The following CTNNA3 variants were observed in gnomAD, a reference collection of about 807,000 sequenced individuals.
CTNNA3 encodes the protein catenin alpha 3, also known as catenin alpha-3.
CTNNA3 carries 76 observed loss-of-function variants against 95.7 expected under a neutral mutation model. The observed-to-expected ratio is 0.79, with a 90% confidence interval of 0.66 to 0.96. CTNNA3 has a LOEUF of 0.96. Ranked by LOEUF, CTNNA3 falls within the 40% of genes least tolerant of loss-of-function variation. The pLI, the probability that CTNNA3 is intolerant of heterozygous loss-of-function variation, is 0.00. For missense variants in CTNNA3, 1,191 were observed against 1,089.8 expected, an observed-to-expected ratio of 1.09 and a Z score of -1.31; for synonymous variants, 431 against 374.4, an observed-to-expected ratio of 1.15 and a Z score of -1.74.
intron 8 of CTNNA3, 120 bp from the exon 9 acceptor site, chr10:66,766,536 C>A: frequency 1.2e-6 from 1 of 824,610 alleles, no homozygotes; most frequent in South Asian, 2.3e-5. Context: ...TTCCTAAAAT[C>A]ACAATACTTA....
At chr10:66,470,233 T>C (rs1176643997) in intron 11 of CTNNA3, among the ~76,000 whole-genome samples, 2 of 151,812 alleles carry the variant, frequency 1.3e-5, no homozygotes, top group African/African-American at 2.4e-5. Context: ...TTTGCTGTTG[T>C]TTTTAATCTG....
At chr10:67,092,853 T>C (rs1256751863) in intron 7 of CTNNA3, among the ~76,000 whole-genome samples, 1 of 152,038 alleles carries the variant, frequency 6.6e-6, no homozygotes, top group East Asian at 1.9e-4. Flanking sequence ...AAGACACTAC[T>C]AGTGTAGCAG....
chr10:67,065,672 C>T (rs952006250), intron 7 of CTNNA3, among the ~76,000 whole-genome samples: 1 of 151,962 alleles, frequency 6.6e-6, no homozygotes, highest in Non-Finnish European at 1.5e-5. Flanking sequence ...TGCCCTTTCC[C>T]CAAGCATGAG....
At chr10:67,040,044 CA>C (rs1250886450) in intron 7 of CTNNA3, among the ~76,000 whole-genome samples, 1 of 152,122 alleles carries the variant, frequency 6.6e-6, no homozygotes, top group Non-Finnish European at 1.5e-5. Flanking sequence ...TGACACTCCA[CA>C]CCCATTCATC....
chr10:66,825,358 C>A (rs1261919093), intron 7 of CTNNA3, among the ~76,000 whole-genome samples: 1 of 151,070 alleles, frequency 6.6e-6, no homozygotes, highest in Non-Finnish European at 1.5e-5. Context: ...TCACTGCAAC[C>A]TCCTCCTTCC....
At chr10:67,379,057 A>C (rs1247193665) in intron 5 of CTNNA3, among the ~76,000 whole-genome samples, 1 of 152,352 alleles carries the variant, frequency 6.6e-6, no homozygotes, top group Admixed American at 6.5e-5. Flanking sequence ...TTTAAAAGGT[A>C]TCTAAAAATC....
intron 16 of CTNNA3, 36 bp downstream of exon 16, chr10:65,988,656 A>G (rs1174646912): frequency 1.3e-6 from 2 of 1,527,350 alleles, no homozygotes; most frequent in Non-Finnish European, 1.8e-6. Context: ...AGCAATTAGC[A>G]TGAACTTTTA....
intron 10 of CTNNA3, among the ~76,000 whole-genome samples, chr10:66,583,821 A>G (rs1911310): frequency 0.75 from 113,281 of 151,598 alleles, 43,398 homozygotes; most frequent in Non-Finnish European, 0.85. Context: ...ATTTTGCACT[A>G]TAAACTTTCC....
At chr10:66,101,216 T>C (rs1003827017) in intron 14 of CTNNA3, among the ~76,000 whole-genome samples, 2 of 152,126 alleles carry the variant, frequency 1.3e-5, no homozygotes, top group African/African-American at 4.8e-5. Context: ...GGAAACTAAA[T>C]CCAGATGCTG....
At chr10:67,041,612 T>C (rs953615184) in intron 7 of CTNNA3, among the ~76,000 whole-genome samples, 17 of 152,136 alleles carry the variant, frequency 1.1e-4, no homozygotes, top group African/African-American at 4.1e-4. Flanking sequence ...TGTATTGTCA[T>C]TTTCAAACTC....
chr10:66,596,801 A>C (rs370455040), intron 10 of CTNNA3, among the ~76,000 whole-genome samples: 3 of 152,138 alleles, frequency 2.0e-5, no homozygotes, highest in Admixed American at 6.5e-5. Context: ...ACACCACCAA[A>C]GGAACAAAAT....
intron 5 of CTNNA3, among the ~76,000 whole-genome samples, chr10:67,460,438 G>T (rs1847332512): frequency 6.6e-6 from 1 of 152,084 alleles, no homozygotes. Flanking sequence ...AAATAAATTT[G>T]CCCAAGTGAT....
chr10:67,457,576 T>G (rs577171113), intron 5 of CTNNA3, among the ~76,000 whole-genome samples: 1 of 152,302 alleles, frequency 6.6e-6, no homozygotes, highest in African/African-American at 2.4e-5. Context: ...TATCACAAAT[T>G]TGGCTGCTGA....
chr10:66,636,530 C>T (rs943089644), intron 9 of CTNNA3, among the ~76,000 whole-genome samples: 1 of 152,078 alleles, frequency 6.6e-6, no homozygotes, highest in Non-Finnish European at 1.5e-5. Flanking sequence ...CATATGAATT[C>T]TATTTGCACA....
intron 5 of CTNNA3, among the ~76,000 whole-genome samples, chr10:67,407,544 T>C (rs1312275913): frequency 2.6e-5 from 4 of 152,102 alleles, no homozygotes; most frequent in African/African-American, 9.7e-5. Context: ...CTAGTCAACA[T>C]AGTATTGGAA....
At position 66,668,485 on chromosome 10, in the gene CTNNA3, A is replaced by C. The variant is rs997229307; in HGVS notation, c.1282-46701T>G. On this transcript the variant is annotated intron_variant, in intron 9 of 17. Transcript: ENST00000433211. ...TACACATCCACATATATACATACAT[A>C]CACATATATATTCAAAGATATATAA... is the stretch of plus-strand genomic sequence containing the variant. Among the ~76,000 whole-genome samples, 3 of 150,158 alleles carry C rather than the reference A, an allele frequency of 2.0e-5. No individual in the cohort carries two copies. The East Asian group carries it at 5.8e-4, about 29-fold the overall frequency.
At chr10:67,223,142 G>A (rs557794092) in intron 5 of CTNNA3, among the ~76,000 whole-genome samples, 2 of 152,302 alleles carry the variant, frequency 1.3e-5, no homozygotes, top group Middle Eastern at 6.8e-3. Context: ...CAGGGGCAAA[G>A]GGGCAGGTGG....
At chr10:67,628,250 CAA>C (rs199962864) in intron 2 of CTNNA3, among the ~76,000 whole-genome samples, 15 of 121,514 alleles carry the variant, frequency 1.2e-4, no homozygotes, top group East Asian at 2.3e-4. Flanking sequence ...GAGTAAACTG[CAA>C]AAAAAAAAAA....
intron 12 of CTNNA3, among the ~76,000 whole-genome samples, chr10:66,329,449 G>A (rs1172834297): frequency 6.6e-6 from 1 of 151,940 alleles, no homozygotes; most frequent in African/African-American, 2.4e-5. Flanking sequence ...TGGGCACCCT[G>A]TGGCCTACTC....
Sources: gnomAD v4.1 joint callset for allele counts (sites outside exome capture counted in the v4.1 genomes callset) on GRCh38, gnomAD v4.1.1 for gene constraint, MANE v1.5 for transcripts, NCBI Gene and HGNC (gene_info 2026-07-23, HGNC 2026-07-21) for gene names.